Variants in CACNA2D3 observed in about 807,000 individuals in gnomAD.
CACNA2D3 encodes the protein voltage-dependent calcium channel subunit alpha-2/delta-3.
In CACNA2D3, 60 loss-of-function variants were observed where a neutral mutation model predicts 160.6. That is an observed-to-expected ratio of 0.37 (90% CI 0.30 to 0.46). CACNA2D3 has a LOEUF of 0.46. Among genes scored for constraint, CACNA2D3 ranks in the 20% least tolerant of loss-of-function variants. The pLI is 1.00. For synonymous variants in CACNA2D3, 558 were observed against 492.9 expected (o/e 1.13, Z -1.75); for missense variants, 1,205 against 1,365.0 (o/e 0.88, Z 1.85).
chr3:54,323,929 C>T (rs1306710201), intron 3 of CACNA2D3, among the ~76,000 whole-genome samples: 1 of 152,166 alleles, frequency 6.6e-6, no homozygotes, highest in African/African-American at 2.4e-5. Flanking sequence ...CTTGTGTTTT[C>T]CTAGTGTGAA....
intron 35 of CACNA2D3, among the ~76,000 whole-genome samples, chr3:55,072,060 G>A (rs574826962): frequency 2.0e-5 from 3 of 152,302 alleles, no homozygotes; most frequent in East Asian, 1.9e-4. Flanking sequence ...GTGTTAAAGA[G>A]GGAAGGTAAA....
intron 2 of CACNA2D3, among the ~76,000 whole-genome samples, chr3:54,279,279 T>G (rs964425701): frequency 6.6e-6 from 1 of 152,192 alleles, no homozygotes; most frequent in Non-Finnish European, 1.5e-5. Flanking sequence ...TACGAGTGAT[T>G]TCAGTGACAC....
At chr3:54,913,121 G>GT (rs1454830948) in intron 27 of CACNA2D3, among the ~76,000 whole-genome samples, 1 of 152,042 alleles carries the variant, frequency 6.6e-6, no homozygotes, top group Non-Finnish European at 1.5e-5. Context: ...ATCTCACTCG[G>GT]TCACTCAGAC....
At chr3:54,405,352 T>A (rs968666431) in intron 4 of CACNA2D3, among the ~76,000 whole-genome samples, 1 of 149,732 alleles carries the variant, frequency 6.7e-6, no homozygotes, top group Non-Finnish European at 1.5e-5. Context: ...CAAAACAACA[T>A]GTTACTGGCA....
intron 37 of CACNA2D3, 68 bp from the exon 38 acceptor site, chr3:55,074,046 G>A (rs2107238294): frequency 1.5e-6 from 2 of 1,322,688 alleles, no homozygotes; most frequent in South Asian, 1.2e-5. Context: ...GGGGGAGAGA[G>A]GTCTGGGGAA....
At chr3:54,157,898 G>T (rs1215606288) in intron 2 of CACNA2D3, among the ~76,000 whole-genome samples, 1 of 151,794 alleles carries the variant, frequency 6.6e-6, no homozygotes, top group Non-Finnish European at 1.5e-5. Flanking sequence ...TTAGTGAGCA[G>T]CTTCCTTGTA....
intron 2 of CACNA2D3, among the ~76,000 whole-genome samples, chr3:54,256,526 G>A (rs1298251030): frequency 6.6e-6 from 1 of 152,088 alleles, no homozygotes; most frequent in Non-Finnish European, 1.5e-5. Context: ...ATTTGAGTGA[G>A]GTAAAAAGAA....
At chr3:54,165,671 AGGCTGAGGTGGGAGGATTGCTTG>A (rs775849399) in intron 2 of CACNA2D3, among the ~76,000 whole-genome samples, 52 of 150,322 alleles carry the variant, frequency 3.5e-4, no homozygotes, top group Admixed American at 2.5e-3. Context: ...GCTACTCCGG[AGGCTGAGGTGGGAGGATTGCTTG>A]AGCCGAGGTG....
chr3:54,686,341 A>G (rs181145337), intron 11 of CACNA2D3, among the ~76,000 whole-genome samples: 122 of 152,360 alleles, frequency 8.0e-4, no homozygotes, highest in Non-Finnish European at 1.5e-3. Flanking sequence ...AACCTCTTCA[A>G]TAGTACTCTG....
chr3:54,805,274 G>T (rs1703091906), intron 13 of CACNA2D3, among the ~76,000 whole-genome samples: 1 of 152,086 alleles, frequency 6.6e-6, no homozygotes, highest in Non-Finnish European at 1.5e-5. Flanking sequence ...CTGGTTTTTT[G>T]AAAGGATCAA....
At chr3:54,685,585 A>G (rs551693603) in intron 11 of CACNA2D3, among the ~76,000 whole-genome samples, 1 of 152,320 alleles carries the variant, frequency 6.6e-6, no homozygotes, top group South Asian at 2.1e-4. Flanking sequence ...CCTGCCTTCA[A>G]ATCCTGCTGT....
chr3:54,386,731 C>A lies in CACNA2D3; in HGVS notation c.338C>A (p.Ala113Glu). Residue 113 changes from alanine (A) to glutamate (E), a missense_variant, in exon 4 of 38, where the codon GCA (alanine) becomes GAA (glutamate). By Grantham distance (107) the Ala-to-Glu change is moderately radical. This residue lies in a region of CACNA2D3 where 163 missense variants were observed against 161.3 expected (regional missense o/e 1.01). Coordinates refer to ENST00000474759, the MANE Select transcript of CACNA2D3 (RefSeq NM_018398.3). ...TTTTTTTAGCGTCTGGTGGAGGCTG[C>A]AGAAGAAGCACACCTGAAACATGAA... ...SEAVRRLVEA[A>E]EEAHLKHEFD... 1 of 1,558,308 alleles carries A rather than the reference C, an allele frequency of 6.4e-7. No individual in the cohort carries two copies. The highest frequency in any genetic ancestry group is 1.4e-5 in the African/African-American group (1 of 72,388).
At chr3:54,193,586 A>G (rs2107340109) in intron 2 of CACNA2D3, among the ~76,000 whole-genome samples, 1 of 152,332 alleles carries the variant, frequency 6.6e-6, no homozygotes, top group South Asian at 2.1e-4. Context: ...TAGATGAGGA[A>G]AAAAGGAGTC....
chr3:54,597,878 G>T (rs989465624), intron 9 of CACNA2D3, among the ~76,000 whole-genome samples: 3 of 152,110 alleles, frequency 2.0e-5, no homozygotes, highest in Non-Finnish European at 4.4e-5. Flanking sequence ...AATGCCTCAT[G>T]GTTAAGATTT....
At chr3:54,993,896 G>GTT (rs1368970370) in intron 31 of CACNA2D3, among the ~76,000 whole-genome samples, 4 of 144,692 alleles carry the variant, frequency 2.8e-5, no homozygotes, top group African/African-American at 1.1e-4. Flanking sequence ...GTGTGTGTGT[G>GTT]TGTGTGTGTG....
intron 2 of CACNA2D3, among the ~76,000 whole-genome samples, chr3:54,297,732 G>T (rs1305181598): frequency 2.1e-5 from 3 of 146,062 alleles, no homozygotes; most frequent in Non-Finnish European, 3.0e-5. Context: ...AAAAAAAAGA[G>T]TGAAGAAATG....
At chr3:54,916,476 C>G (rs1034746184) in intron 27 of CACNA2D3, among the ~76,000 whole-genome samples, 1 of 152,148 alleles carries the variant, frequency 6.6e-6, no homozygotes, top group African/African-American at 2.4e-5. Flanking sequence ...CTTTGATCTA[C>G]AATTTAAGGT....
intron 10 of CACNA2D3, among the ~76,000 whole-genome samples, chr3:54,637,184 C>G (rs771530731): frequency 6.6e-6 from 1 of 151,820 alleles, no homozygotes. Flanking sequence ...CTGTAGCAGA[C>G]GAGTGATAAC....
At chr3:54,380,831 T>A (rs900770346) in intron 3 of CACNA2D3, among the ~76,000 whole-genome samples, 24 of 152,288 alleles carry the variant, frequency 1.6e-4, no homozygotes, top group African/African-American at 5.8e-4. Flanking sequence ...ATTTCTTAAT[T>A]CCTCTGTTTG....
Sources: allele counts gnomAD v4.1 joint callset (sites outside exome capture counted in the v4.1 genomes callset), GRCh38; gene constraint gnomAD v4.1.1; regional missense constraint gnomAD v4.1.1; transcripts MANE v1.5; gene names NCBI Gene and HGNC (gene_info 2026-07-23, HGNC 2026-07-21).